The following PKD1L1 variants were observed in gnomAD, a reference collection of about 807,000 sequenced individuals.
PKD1L1 encodes polycystin 1 like 1, transient receptor potential channel interacting.
PKD1L1 carries 236 observed loss-of-function variants against 323.4 expected under a neutral mutation model. The ratio of observed to expected loss-of-function variants is 0.73; its 90% CI spans 0.66 to 0.81. PKD1L1 has a LOEUF of 0.81. Ranked by LOEUF, PKD1L1 falls within the 40% of genes least tolerant of loss-of-function variation. The pLI is 0.00. For missense variants in PKD1L1, 3,320 were observed against 3,508.0 expected (o/e 0.95, Z 1.35); for synonymous variants, 1,344 against 1,335.0 (o/e 1.01, Z -0.15).
At chr7:47,907,165 GGAGA>G (rs60959137) in intron 9 of PKD1L1, among the ~76,000 whole-genome samples, 6,625 of 152,256 alleles carry the variant, frequency 0.044, 495 homozygotes, top group African/African-American at 0.15. Context: ...CTTCTTGGAT[GGAGA>G]GTTTCTCACT....
At chr7:47,777,891 C>G (rs1786604249) in intron 56 of PKD1L1, among the ~76,000 whole-genome samples, 1 of 152,198 alleles carries the variant, frequency 6.6e-6, no homozygotes, top group Non-Finnish European at 1.5e-5. Context: ...CCTTCAGGAG[C>G]AAGTTCAGAA....
chr7:47,816,508 T>C (rs2128731050), intron 46 of PKD1L1, among the ~76,000 whole-genome samples: 1 of 152,280 alleles, frequency 6.6e-6, no homozygotes. Flanking sequence ...ACCTCTCACC[T>C]AACTCTAAAA....
chr7:47,826,112 A>T (rs984143330), intron 45 of PKD1L1, among the ~76,000 whole-genome samples: 1 of 151,952 alleles, frequency 6.6e-6, no homozygotes, highest in Non-Finnish European at 1.5e-5. Context: ...TGCGCCCACC[A>T]CACTCCCAGT....
At chr7:47,916,258 T>G (rs903819119) in intron 7 of PKD1L1, among the ~76,000 whole-genome samples, 2 of 152,252 alleles carry the variant, frequency 1.3e-5, no homozygotes, top group Non-Finnish European at 2.9e-5. Context: ...CAACTGCATT[T>G]GCAAATGCCT....
chr7:47,877,601 T>C lies in PKD1L1; in HGVS notation c.3551A>G (p.Gln1184Arg). ...ASKHGLLGKAQLYLTVNPAPR... is the reference protein window; with the variant it reads ...ASKHGLLGKARLYLTVNPAPR... ...AGCCGGGTTGACTGTCAAGTACAGC[T>C]GAGCTTTACCCAGTAAGCCATGCTT... Residue 1184 changes from glutamine (Q) to arginine (R), a missense_variant, in exon 22 of 57, where the codon CAG becomes CGG. Gln to Arg is a conservative substitution (Grantham distance 43). Coordinates refer to ENST00000289672, the MANE Select transcript of PKD1L1 (RefSeq NM_138295.5). 1 of 1,614,168 alleles carries C rather than the reference T, an allele frequency of 6.2e-7. No homozygotes were observed. Among genetic ancestry groups the C allele is most frequent in the East Asian group, 2.2e-5 (1 of 44,878 alleles).
At chr7:47,921,520 C>T (rs1308333910) in intron 7 of PKD1L1, among the ~76,000 whole-genome samples, 2 of 152,194 alleles carry the variant, frequency 1.3e-5, no homozygotes, top group African/African-American at 4.8e-5. Flanking sequence ...ATCCAGCAAT[C>T]CCACTACTGG....
chr7:47,830,267 G>T, intron 42 of PKD1L1, 143 bp from the exon 43 acceptor site: 1 of 656,122 alleles, frequency 1.5e-6, no homozygotes, highest in South Asian at 1.9e-5. Context: ...GGTGGTGCTG[G>T]ACATGGGCAG....
At chr7:47,904,751 C>T (rs1276769814) in intron 11 of PKD1L1, 134 bp from the exon 12 acceptor site, 2 of 1,111,838 alleles carry the variant, frequency 1.8e-6, no homozygotes, top group Non-Finnish European at 2.5e-6. Context: ...GTAAGAACTA[C>T]AAAAGTATCT....
Position 47,893,946 on chromosome 7 carries a change from G to T in PKD1L1, c.2385C>A (p.Thr795=). The change falls in exon 15 of 57, where the codon ACC becomes ACA. Residue 795 remains threonine (T), a synonymous_variant. Transcript: ENST00000289672. ...CTCTGAGGACAATGGGGGATGAGGTGGTCCTGGAGAAGAATAGGTGTGTGC... is the reference window on the plus strand; with the variant it reads ...CTCTGAGGACAATGGGGGATGAGGTTGTCCTGGAGAAGAATAGGTGTGTGC... ...SEGTHLFFSR[T]TSSPIVLRGT... The T allele has an allele frequency of 6.2e-7, 1 of 1,614,044 alleles. No homozygotes were observed. Among genetic ancestry groups the T allele is most frequent in the African/African-American group, 1.3e-5 (1 of 75,024 alleles).
intron 46 of PKD1L1, among the ~76,000 whole-genome samples, chr7:47,820,601 C>G (rs1347770821): frequency 6.6e-6 from 1 of 152,178 alleles, no homozygotes; most frequent in East Asian, 1.9e-4. Flanking sequence ...GTGGCACATG[C>G]CTGTAATCCC....
At chr7:47,829,278 G>A (rs1785295022) in intron 44 of PKD1L1, 147 bp downstream of exon 44, 3 of 746,054 alleles carry the variant, frequency 4.0e-6, no homozygotes, top group South Asian at 4.5e-5. Context: ...ACAGGTATGT[G>A]CAAAGAAGCA....
chr7:47,843,876 C>A (rs1317809725), intron 33 of PKD1L1, among the ~76,000 whole-genome samples: 1 of 152,226 alleles, frequency 6.6e-6, no homozygotes, highest in South Asian at 2.1e-4. Context: ...CATCCCCTAG[C>A]ATTCTGCTCT....
intron 19 of PKD1L1, among the ~76,000 whole-genome samples, chr7:47,882,312 A>G (rs554916032): frequency 1.8e-4 from 21 of 119,050 alleles, no homozygotes; most frequent in African/African-American, 6.4e-4. Context: ...CTCCCTTCCT[A>G]TCTTCCTTCC....
intron 19 of PKD1L1, among the ~76,000 whole-genome samples, chr7:47,882,675 G>T (rs1786589479): frequency 7.5e-6 from 1 of 134,094 alleles, no homozygotes; most frequent in South Asian, 2.4e-4. Flanking sequence ...TGCCCTAGTG[G>T]TTGGAGGGTG....
the PKD1L1 span, among the ~76,000 whole-genome samples, chr7:47,953,735 G>A: frequency 6.6e-6 from 1 of 152,250 alleles, no homozygotes; most frequent in African/African-American, 2.4e-5. Context: ...TGAACTAGGT[G>A]AAGTGTTAAT....
chr7:47,817,819 G>A (rs1211680683), intron 46 of PKD1L1, among the ~76,000 whole-genome samples: 6 of 152,166 alleles, frequency 3.9e-5, no homozygotes, highest in South Asian at 4.2e-4. Context: ...GCAGTGAGCC[G>A]AGATCGCGTC....
intron 8 of PKD1L1, among the ~76,000 whole-genome samples, chr7:47,913,019 G>A (rs948415548): frequency 6.6e-6 from 1 of 151,944 alleles, no homozygotes; most frequent in African/African-American, 2.4e-5. Context: ...TCTGCAGTGG[G>A]CCTGAGAGTC....
intron 37 of PKD1L1, among the ~76,000 whole-genome samples, chr7:47,835,592 G>T (rs944310943): frequency 1.1e-4 from 16 of 152,026 alleles, no homozygotes; most frequent in Admixed American, 3.9e-4. Context: ...GTAGAAACAT[G>T]GTTTCACCAT....
At chr7:47,814,817 C>G (rs1784981340) in intron 47 of PKD1L1, among the ~76,000 whole-genome samples, 1 of 152,164 alleles carries the variant, frequency 6.6e-6, no homozygotes, top group Non-Finnish European at 1.5e-5. Context: ...CAGGATATTT[C>G]ATTTTTAAAC....
Sources: allele counts gnomAD v4.1 joint callset (sites outside exome capture counted in the v4.1 genomes callset), GRCh38; gene constraint gnomAD v4.1.1; transcripts MANE v1.5; gene names NCBI Gene and HGNC (gene_info 2026-07-23, HGNC 2026-07-21).